Variants in MAK observed in about 807,000 individuals in gnomAD.
MAK encodes serine/threonine-protein kinase MAK.
MAK carries 65 observed loss-of-function variants against 82.6 expected under a neutral mutation model. The ratio of observed to expected loss-of-function variants is 0.79; its 90% CI spans 0.64 to 0.97. The LOEUF (loss-of-function observed/expected upper bound fraction) is 0.97. Among genes scored for constraint, MAK ranks in the 50% least tolerant of loss-of-function variants. MAK has a pLI of 0.00. For missense variants in MAK, 703 were observed against 780.2 expected (o/e 0.90, Z 1.18); for synonymous variants, 250 against 274.2 (o/e 0.91, Z 0.87).
intron 5 of MAK, among the ~76,000 whole-genome samples, chr6:10,813,311 G>C (rs781561182): frequency 2.2e-5 from 3 of 138,842 alleles, no homozygotes; most frequent in Non-Finnish European, 4.7e-5. Context: ...ACCACGCCCA[G>C]CTAATTTTTG....
At chr6:10,807,336 C>CTTTTTTTTTTTTTTTTTTTTTTTTTTTT (rs35237927) in intron 6 of MAK, among the ~76,000 whole-genome samples, 3 of 73,734 alleles carry the variant, frequency 4.1e-5, no homozygotes, top group Non-Finnish European at 7.1e-5. Flanking sequence ...ACATATATTC[C>CTTTTTTTTTTTTTTTTTTTTTTTTTTTT]TTTTTTTTTT....
rs6917653 is a variant in MAK, at chr6:10,772,796, A to T, written c.1672+238T>A. Among the ~76,000 whole-genome samples the T allele has an allele frequency of 4.0e-3, 613 of 152,296 alleles. 5 individuals carry two copies. Among genetic ancestry groups the T allele is most frequent in the African/African-American group, 0.014 (583 of 41,552 alleles). On this transcript the variant is annotated intron_variant, in intron 13 of 14. Coordinates refer to ENST00000354489, the MANE Select transcript of MAK (RefSeq NM_001242957.3). Reference sequence around the variant, plus strand: ...CTTGATTTCCTCTATAAATTTCCGTAATTAATTTAAGAAGACCAGCACAGA... The same window carrying T: ...CTTGATTTCCTCTATAAATTTCCGTTATTAATTTAAGAAGACCAGCACAGA...
rs2272883 is a variant in MAK at position 10,818,861 on chromosome 6, G to A, written c.156+25C>T. ...TCAGGTAGTGTTAAGGCCTTCTCAG[G>A]TTCTTTTCATCTTTAGGATTTTACC... On this transcript the variant is annotated intron_variant, in intron 3 of 14. Transcript: ENST00000354489. 221,033 of 1,404,866 alleles carry A rather than the reference G, an allele frequency of 0.16. 17,788 individuals carry two copies. Among genetic ancestry groups the A allele is most frequent in the Middle Eastern group, 0.2 (1,112 of 5,634 alleles). 87.0% of individuals were successfully genotyped at this position (1,404,866 alleles called of 1,614,324 possible).
intron 14 of MAK, among the ~76,000 whole-genome samples, chr6:10,766,990 A>G (rs1772501508): frequency 1.3e-5 from 2 of 152,200 alleles, no homozygotes; most frequent in Non-Finnish European, 2.9e-5. Flanking sequence ...TCAGGACTCA[A>G]GTACCTTTGG....
intron 1 of MAK, among the ~76,000 whole-genome samples, chr6:10,835,541 G>A (rs1173892567): frequency 1.3e-5 from 2 of 152,210 alleles, no homozygotes; most frequent in Non-Finnish European, 2.9e-5. Context: ...GTTTATAGGC[G>A]TGAGCCACTG....
intron 14 of MAK, among the ~76,000 whole-genome samples, chr6:10,766,169 C>CG: frequency 1.3e-5 from 2 of 152,278 alleles, no homozygotes; most frequent in South Asian, 4.1e-4. Context: ...GGATTAAACT[C>CG]TAAGTGTTAA....
chr6:10,795,992 A>G lies in MAK; in HGVS notation c.1143+6T>C, dbSNP rs1394158081. 3.7e-6 allele frequency: 6 copies of G among 1,613,094 alleles called. No homozygotes were observed. Among genetic ancestry groups the G allele is most frequent in the Non-Finnish European group, 5.1e-6 (6 of 1,179,188 alleles). ...TTCATTGCAAGTGTCATGACTGGCT[A>G]CTCACAGTTGGCATGTTTTTGACGA... is the stretch of plus-strand genomic sequence containing the variant. On this transcript the variant is annotated splice_donor_region_variant and intron_variant, in intron 9 of 14. Coordinates refer to ENST00000354489, the MANE Select transcript of MAK (RefSeq NM_001242957.3).
At chr6:10,783,603 T>G (rs1774209538) in intron 11 of MAK, among the ~76,000 whole-genome samples, 1 of 152,172 alleles carries the variant, frequency 6.6e-6, no homozygotes, top group South Asian at 2.1e-4. Flanking sequence ...CCACTTCCAC[T>G]CTGGAACCAG....
intron 12 of MAK, 21 bp downstream of exon 12, chr6:10,775,307 C>T: frequency 6.2e-7 from 1 of 1,611,094 alleles, no homozygotes; most frequent in Non-Finnish European, 8.5e-7. Context: ...CGTACATGTA[C>T]ATTTTGTATT....
At chr6:10,799,486 G>T (rs573332210) in intron 8 of MAK, among the ~76,000 whole-genome samples, 1 of 152,154 alleles carries the variant, frequency 6.6e-6, no homozygotes, top group Non-Finnish European at 1.5e-5. Flanking sequence ...AGGTGTGGTG[G>T]CTCACGCCTA....
At chr6:10,807,440 T>TC (rs1274387998) in intron 6 of MAK, among the ~76,000 whole-genome samples, 5 of 146,560 alleles carry the variant, frequency 3.4e-5, no homozygotes, top group Non-Finnish European at 7.4e-5. Context: ...CCCCCAAGGT[T>TC]CAAGTGATTC....
rs546386414 is a variant in MAK at position 10,802,169 on chromosome 6, T to C, written c.664-110A>G. 8.6e-4 allele frequency: 685 copies of C among 792,970 alleles called. 4 individuals are homozygous for C. In the African/African-American group the frequency reaches 0.01, roughly 12 times the overall value. 49.1% of individuals were successfully genotyped at this position (792,970 alleles called of 1,614,324 possible). A position where few individuals can be genotyped will look rare whatever the true frequency, so the allele number is the denominator to read the frequency against. On this transcript the variant is annotated intron_variant, in intron 7 of 14. Transcript: ENST00000354489. ...AAACATCATTTATGTTTGAACATTT[T>C]CATGTTGATCCATATAAACATGAAA... is the stretch of plus-strand genomic sequence containing the variant.
At chr6:10,829,466 C>A (rs532805410) in intron 2 of MAK, among the ~76,000 whole-genome samples, 2 of 152,030 alleles carry the variant, frequency 1.3e-5, no homozygotes, top group African/African-American at 2.4e-5. Context: ...TTTGGGAGGC[C>A]AAGGTGGGTA....
At chr6:10,779,974 C>T (rs576402020) in intron 11 of MAK, among the ~76,000 whole-genome samples, 5 of 152,286 alleles carry the variant, frequency 3.3e-5, no homozygotes, top group Non-Finnish European at 7.4e-5. Flanking sequence ...AGGCGTGAGC[C>T]ACCGCACCCG....
intron 8 of MAK, chr6:10,798,068 A>T: frequency 9.1e-6 from 4 of 437,848 alleles, no homozygotes; most frequent in Non-Finnish European, 1.2e-5. Flanking sequence ...GGAAACTTTG[A>T]GGATGTGTTT....
intron 6 of MAK, among the ~76,000 whole-genome samples, chr6:10,807,897 G>A (rs892889825): frequency 3.3e-5 from 5 of 151,978 alleles, no homozygotes; most frequent in Admixed American, 1.3e-4. Context: ...GTGAAACCAC[G>A]TCTCTACTAA....
chr6:10,837,022 TAAG>T (rs1779189589), intron 1 of MAK, among the ~76,000 whole-genome samples: 1 of 152,180 alleles, frequency 6.6e-6, no homozygotes, highest in Non-Finnish European at 1.5e-5. Flanking sequence ...TGCCAGCTAA[TAAG>T]AGATTCAGAT....
chr6:10,811,187 T>C (rs1413425552), intron 5 of MAK, among the ~76,000 whole-genome samples: 1 of 152,196 alleles, frequency 6.6e-6, no homozygotes, highest in Admixed American at 6.5e-5. Flanking sequence ...TTGGTAGAGA[T>C]AGGTTTTCAC....
intron 6 of MAK, among the ~76,000 whole-genome samples, chr6:10,804,267 A>G (rs912550262): frequency 1.3e-5 from 2 of 152,208 alleles, no homozygotes; most frequent in Non-Finnish European, 2.9e-5. Context: ...AAAGATGAAC[A>G]GGATTATATC....
Sources: allele counts gnomAD v4.1 joint callset (sites outside exome capture counted in the v4.1 genomes callset), GRCh38; gene constraint gnomAD v4.1.1; transcripts MANE v1.5; gene names NCBI Gene and HGNC (gene_info 2026-07-23, HGNC 2026-07-21).